LATS2: variants seen among roughly 807,000 people sequenced by gnomAD.
LATS2 encodes serine/threonine-protein kinase LATS2.
In LATS2, 24 loss-of-function variants were observed where a neutral mutation model predicts 76.0. That is an observed-to-expected ratio of 0.32 (90% CI 0.23 to 0.44). LATS2 has a LOEUF of 0.44. LATS2 is among the 20% of genes least tolerant of loss of function. The pLI is 1.00. For synonymous variants in LATS2, 692 were observed against 635.4 expected (o/e 1.09, Z -1.34); for missense variants, 1,286 against 1,481.2 (o/e 0.87, Z 2.16).
chr13:21,061,008 C>A (rs1022053467), intron 1 of LATS2, among the ~76,000 whole-genome samples: 1 of 147,932 alleles, frequency 6.8e-6, no homozygotes, highest in Non-Finnish European at 1.5e-5. Context: ...CCGCCGGGAT[C>A]CCGGCCGCCC....
intron 2 of LATS2, among the ~76,000 whole-genome samples, chr13:21,006,301 G>A (rs182243391): frequency 6.6e-6 from 1 of 152,076 alleles, no homozygotes; most frequent in African/African-American, 2.4e-5. Flanking sequence ...AGAAGACCAG[G>A]CCCAAGACAC....
At chr13:21,056,016 T>G (rs1427670572) in intron 1 of LATS2, among the ~76,000 whole-genome samples, 1 of 152,188 alleles carries the variant, frequency 6.6e-6, no homozygotes, top group Non-Finnish European at 1.5e-5. Flanking sequence ...AAACACACTT[T>G]AGAAGAATTC....
intron 1 of LATS2, among the ~76,000 whole-genome samples, chr13:21,060,435 T>C (rs1362271515): frequency 6.6e-6 from 1 of 152,226 alleles, no homozygotes; most frequent in African/African-American, 2.4e-5. Context: ...GCCGTTCGCG[T>C]GGCCACGAAA....
At chr13:20,981,758 T>C in intron 5 of LATS2, 110 bp from the exon 6 acceptor site, 5 of 888,380 alleles carry the variant, frequency 5.6e-6, no homozygotes, top group Non-Finnish European at 8.4e-6. Flanking sequence ...GTCATTCCAA[T>C]CAGCTCCTGA....
intron 1 of LATS2, among the ~76,000 whole-genome samples, chr13:21,050,988 C>CCTCTGAG (rs1208825648): frequency 6.6e-6 from 1 of 152,166 alleles, no homozygotes; most frequent in Non-Finnish European, 1.5e-5. Context: ...GTGAACGGGA[C>CCTCTGAG]CTCTGAGGCA....
rs749597666 is a variant in LATS2 at position 20,988,041 on chromosome 13, A to T, written c.1739T>A (p.Val580Asp). 1.4e-5 allele frequency: 22 copies of T among 1,614,184 alleles called. No homozygotes were observed. Among genetic ancestry groups the T allele is most frequent in the Non-Finnish European group, 1.7e-5 (20 of 1,180,038 alleles). ...KKQIQTSPVP[V>D]RKNSRDEEKR... ...CTCTTCGTCTCTGCTGTTTTTGCGG[A>T]CGGGAACGGGAGAGGTCTGAATCTG... Residue 580 changes from valine (V) to aspartate (D), a missense_variant, in exon 4 of 8, where the codon GTC becomes GAC. Val to Asp is a radical substitution (Grantham distance 152, BLOSUM62 -3). This residue lies in a region of LATS2 where 710 missense variants were observed against 660.9 expected (regional missense o/e 1.07). Coordinates refer to ENST00000382592, the MANE Select transcript of LATS2 (RefSeq NM_014572.3).
intron 1 of LATS2, among the ~76,000 whole-genome samples, chr13:21,053,435 C>T (rs1469997722): frequency 6.6e-6 from 1 of 151,846 alleles, no homozygotes; most frequent in African/African-American, 2.4e-5. Flanking sequence ...TCTGATAGCA[C>T]CACGAGGGCA....
rs57771983 is a variant in LATS2 at position 21,015,586 on chromosome 13, G to C, written c.343-24182C>G. 3.6e-3 allele frequency among the ~76,000 whole-genome samples: 543 copies of C among 152,286 alleles called. 2 individuals are homozygous for C. The highest frequency in any genetic ancestry group is 0.013 in the African/African-American group (529 of 41,556). The stretch of plus-strand genomic sequence containing the variant: ...ATGCCCAACTTTTAAAAGTTTCCTA[G>C]GTAGTTGTTTTAAATAGGATTTGGG... On this transcript the variant is annotated intron_variant, in intron 2 of 7. Transcript: ENST00000382592.
chr13:21,008,536 T>TC (rs1432725594), intron 2 of LATS2, among the ~76,000 whole-genome samples: 2 of 152,084 alleles, frequency 1.3e-5, no homozygotes, highest in African/African-American at 2.4e-5. Context: ...TATGAACATT[T>TC]CCCAAGTTCA....
chr13:21,026,788 T>A (rs1271942302), intron 2 of LATS2, among the ~76,000 whole-genome samples: 1 of 152,200 alleles, frequency 6.6e-6, no homozygotes, highest in Non-Finnish European at 1.5e-5. Context: ...AAACCTCATG[T>A]CAATTTTTAA....
At chr13:21,030,858 T>C (rs908668819) in intron 2 of LATS2, among the ~76,000 whole-genome samples, 18 of 152,170 alleles carry the variant, frequency 1.2e-4, no homozygotes, top group South Asian at 4.2e-4. Flanking sequence ...TTAGCATTTT[T>C]CCCCCCATAC....
chr13:20,996,727 T>TC (rs1416777098), intron 2 of LATS2, among the ~76,000 whole-genome samples: 3 of 152,070 alleles, frequency 2.0e-5, no homozygotes. Flanking sequence ...ATACTATTAT[T>TC]CACACTCCAT....
Position 20,999,345 on chromosome 13 carries a change from G to A in LATS2, c.343-7941C>T, listed in dbSNP as rs527716154. On this transcript the variant is annotated intron_variant, in intron 2 of 7. Coordinates refer to ENST00000382592, the MANE Select transcript of LATS2 (RefSeq NM_014572.3). ...CGGCACATACAGGTACAAACCATAC[G>A]TCTTTTTGAAACGAATGAAGAAGAA... Among the ~76,000 whole-genome samples the A allele has an allele frequency of 2.0e-5, 3 of 152,328 alleles. 1 individual carries two copies. Among genetic ancestry groups the A allele is most frequent in the South Asian group, 4.1e-4 (2 of 4,822 alleles).
At chr13:20,978,870 T>C (rs997399726) in intron 7 of LATS2, among the ~76,000 whole-genome samples, 1 of 152,190 alleles carries the variant, frequency 6.6e-6, no homozygotes, top group Admixed American at 6.6e-5. Flanking sequence ...CAAGTGGTTC[T>C]CCTGCCTCAG....
intron 7 of LATS2, among the ~76,000 whole-genome samples, chr13:20,976,037 C>T (rs532564861): frequency 6.6e-6 from 1 of 152,280 alleles, no homozygotes; most frequent in Non-Finnish European, 1.5e-5. Context: ...GAAAAACAAA[C>T]AGGAAAAACT....
chr13:21,048,931 G>A (rs1873167524), intron 1 of LATS2, among the ~76,000 whole-genome samples: 1 of 152,178 alleles, frequency 6.6e-6, no homozygotes, highest in Admixed American at 6.5e-5. Flanking sequence ...CTTGGCTTCA[G>A]CAAGTTTACT....
At chr13:20,996,800 T>C (rs1212842796) in intron 2 of LATS2, among the ~76,000 whole-genome samples, 1 of 152,148 alleles carries the variant, frequency 6.6e-6, no homozygotes, top group Non-Finnish European at 1.5e-5. Context: ...GGAGCCACAA[T>C]GGTTACAAAA....
At chr13:20,982,088 G>A (rs1565942152) in intron 5 of LATS2, among the ~76,000 whole-genome samples, 2 of 152,230 alleles carry the variant, frequency 1.3e-5, no homozygotes, top group Non-Finnish European at 2.9e-5. Flanking sequence ...GCCAGAAAAT[G>A]AGAATGAATT....
chr13:20,981,559 C>G lies in LATS2; in HGVS notation c.2572G>C (p.Glu858Gln). Reference sequence around the variant, plus strand: ...TGGTGCTGCTTCCGCGCCCTCTGCTCTAGGGTCTTCAGCCTGTCCCCACAC... The same window carrying G: ...TGGTGCTGCTTCCGCGCCCTCTGCTGTAGGGTCTTCAGCCTGTCCCCACAC... ...CRCGDRLKTL[E>Q]QRARKQHQRC... is the part of the protein sequence containing the mutation. Residue 858 changes from glutamate to glutamine, a missense_variant, in exon 6 of 8, where the codon GAG becomes CAG. By Grantham distance (29) the Glu-to-Gln change is conservative (BLOSUM62 2). Around this residue, in one of 5 missense-constraint regions of LATS2, gnomAD observed 247 missense variants for 385.4 expected, o/e 0.64. Transcript: ENST00000382592. 1.2e-6 allele frequency: 2 copies of G among 1,614,188 alleles called. No homozygotes were observed. Among genetic ancestry groups the G allele is most frequent in the Non-Finnish European group, 1.7e-6 (2 of 1,180,032 alleles).
Sources: gnomAD v4.1 joint callset for allele counts (sites outside exome capture counted in the v4.1 genomes callset) on GRCh38, gnomAD v4.1.1 for gene constraint, gnomAD v4.1.1 regional missense constraint, MANE v1.5 for transcripts, NCBI Gene and HGNC (gene_info 2026-07-23, HGNC 2026-07-21) for gene names.